Variants in GLIS1 observed in about 807,000 individuals in gnomAD.
GLIS1 encodes GLIS family zinc finger 1.
GLIS1 carries 24 observed loss-of-function variants against 63.8 expected under a neutral mutation model. The ratio of observed to expected loss-of-function variants is 0.38; its 90% CI spans 0.27 to 0.53. The LOEUF (loss-of-function observed/expected upper bound fraction) is 0.53, where lower values mean the gene tolerates loss of function less well. GLIS1 is among the 20% of genes least tolerant of loss of function. GLIS1 has a pLI of 0.85. For synonymous variants in GLIS1, 450 were observed against 482.5 expected (o/e 0.93, Z 0.88); for missense variants, 1,036 against 1,074.1 (o/e 0.96, Z 0.50).
chr1:53,702,213 G>A lies in GLIS1; in HGVS notation c.259+35593C>T, dbSNP rs562522915. Among the ~76,000 whole-genome samples, 5 of 152,196 alleles carry A rather than the reference G, an allele frequency of 3.3e-5. No homozygotes were observed. The South Asian group carries it at 8.3e-4, about 25-fold the overall frequency. On this transcript the variant is annotated intron_variant, in intron 2 of 10. Transcript: ENST00000628545. ...TGTGGGGTCAGAAGGGGCTATGGCTGGAACTCCAAGGTCACTGCTCCTCCC... is the reference window on the plus strand; with the variant it reads ...TGTGGGGTCAGAAGGGGCTATGGCTAGAACTCCAAGGTCACTGCTCCTCCC...
chr1:53,578,591 C>T (rs937839193), intron 4 of GLIS1, among the ~76,000 whole-genome samples: 3 of 152,188 alleles, frequency 2.0e-5, no homozygotes, highest in Admixed American at 1.3e-4. Context: ...TCCTTTCCCA[C>T]TCAAAAAGAA....
chr1:53,533,004 C>T (rs78484301), intron 4 of GLIS1, among the ~76,000 whole-genome samples: 3,329 of 152,358 alleles, frequency 0.022, 57 homozygotes, highest in Non-Finnish European at 0.029. Flanking sequence ...CCCATGCAGA[C>T]GCTCCACGCG....
At chr1:53,542,527 G>T (rs983670890) in intron 4 of GLIS1, among the ~76,000 whole-genome samples, 24 of 152,336 alleles carry the variant, frequency 1.6e-4, no homozygotes, top group African/African-American at 5.8e-4. Context: ...GGGCGGGTGG[G>T]GAGATGGCTG....
chr1:53,706,064 C>G (rs968302918), intron 2 of GLIS1, among the ~76,000 whole-genome samples: 1 of 152,190 alleles, frequency 6.6e-6, no homozygotes, highest in African/African-American at 2.4e-5. Context: ...TTATCTTTAA[C>G]AATGACAATA....
chr1:53,542,241 T>G (rs1399907239), intron 4 of GLIS1, among the ~76,000 whole-genome samples: 3 of 152,138 alleles, frequency 2.0e-5, no homozygotes, highest in South Asian at 2.1e-4. Context: ...GCACCTCCAC[T>G]CAAGCGCCGG....
chr1:53,632,694 CTG>C (rs1367753463), intron 2 of GLIS1, among the ~76,000 whole-genome samples: 1 of 123,012 alleles, frequency 8.1e-6, no homozygotes, highest in African/African-American at 3.2e-5. Flanking sequence ...GTGAATGAGA[CTG>C]AGGGGTGTGA....
intron 6 of GLIS1, among the ~76,000 whole-genome samples, chr1:53,522,986 C>CTCTT (rs1553120129): frequency 2.3e-5 from 1 of 43,690 alleles, no homozygotes; most frequent in Non-Finnish European, 7.0e-5. Context: ...TCTTTTCTTT[C>CTCTT]TTTTTTTTTT....
At chr1:53,623,360 C>T (rs1645565229) in intron 2 of GLIS1, among the ~76,000 whole-genome samples, 1 of 152,078 alleles carries the variant, frequency 6.6e-6, no homozygotes, top group Non-Finnish European at 1.5e-5. Flanking sequence ...GATTAAAATT[C>T]TCAGCATACT....
chr1:53,604,912 ATGTGTGTGTG>A (rs763835438), intron 2 of GLIS1, among the ~76,000 whole-genome samples: 66 of 36,928 alleles, frequency 1.8e-3, no homozygotes, highest in Middle Eastern at 0.028. Context: ...ATATATATAT[ATGTGTGTGTG>A]TGTGTGTGTG....
intron 4 of GLIS1, among the ~76,000 whole-genome samples, chr1:53,546,617 T>C (rs568197070): frequency 5.9e-5 from 9 of 152,336 alleles, no homozygotes; most frequent in African/African-American, 1.9e-4. Flanking sequence ...CAATCTGGCC[T>C]TGGGACAGGG....
At chr1:53,593,284 G>A (rs1160788803) in intron 4 of GLIS1, among the ~76,000 whole-genome samples, 2 of 152,226 alleles carry the variant, frequency 1.3e-5, no homozygotes, top group Admixed American at 6.5e-5. Flanking sequence ...CTGTGCCTCG[G>A]AGGTAGCACA....
rs192333360 is a variant in GLIS1, at chr1:53,571,207, G to A, written c.1320+22901C>T. 5.3e-5 allele frequency among the ~76,000 whole-genome samples: 8 copies of A among 152,324 alleles called. No homozygotes were observed. In the East Asian group the frequency reaches 1.5e-3, roughly 29 times the overall value. On this transcript the variant is annotated intron_variant, in intron 4 of 10. Transcript: ENST00000628545. ...CTAAAAATGAAAATTAAGACCACGA[G>A]ATGCCATTTCACACCTGCCAAACTG...
intron 4 of GLIS1, among the ~76,000 whole-genome samples, chr1:53,561,417 C>G (rs1489403689): frequency 6.6e-6 from 1 of 152,254 alleles, no homozygotes. Flanking sequence ...TCAGCCTACA[C>G]TGTAAATCAG....
chr1:53,524,713 C>G (rs1557431225), intron 6 of GLIS1, 64 bp downstream of exon 6: 12 of 1,179,692 alleles, frequency 1.0e-5, no homozygotes, highest in Non-Finnish European at 1.5e-5. Flanking sequence ...GGGTGGGCAC[C>G]TGGCCTGATG....
chr1:53,624,915 A>G (rs918520212), intron 2 of GLIS1, among the ~76,000 whole-genome samples: 2 of 152,244 alleles, frequency 1.3e-5, no homozygotes, highest in Non-Finnish European at 2.9e-5. Flanking sequence ...TCTCAACAGA[A>G]GACACACACA....
chr1:53,510,062 G>T (rs1017420194), intron 8 of GLIS1, 35 bp from the exon 9 acceptor site: 2 of 1,214,868 alleles, frequency 1.6e-6, no homozygotes, highest in Non-Finnish European at 2.1e-6. Context: ...AGCAGGCAGG[G>T]GTCTGGAGGG....
intron 2 of GLIS1, among the ~76,000 whole-genome samples, chr1:53,672,012 G>A (rs1646157447): frequency 6.6e-6 from 1 of 152,176 alleles, no homozygotes; most frequent in Non-Finnish European, 1.5e-5. Flanking sequence ...CCCTCTGTGA[G>A]CTATAGCCTG....
chr1:53,698,674 C>A (rs543100460), intron 2 of GLIS1, among the ~76,000 whole-genome samples: 1 of 152,228 alleles, frequency 6.6e-6, no homozygotes, highest in Non-Finnish European at 1.5e-5. Flanking sequence ...CAGAAGAGAG[C>A]CACTTCCTGA....
At chr1:53,686,719 G>C (rs1646340588) in intron 2 of GLIS1, among the ~76,000 whole-genome samples, 1 of 152,042 alleles carries the variant, frequency 6.6e-6, no homozygotes, top group African/African-American at 2.4e-5. Context: ...AGAGAAATAG[G>C]AGCTCTCCAG....
Sources: allele counts gnomAD v4.1 joint callset (sites outside exome capture counted in the v4.1 genomes callset), GRCh38; gene constraint gnomAD v4.1.1; transcripts MANE v1.5; gene names NCBI Gene and HGNC (gene_info 2026-07-23, HGNC 2026-07-21).